Variants in PPM1H observed in about 807,000 individuals in gnomAD.
PPM1H encodes the protein protein phosphatase, Mg2+/Mn2+ dependent 1H, also known as protein phosphatase 1H.
A neutral mutation model predicts 54.9 loss-of-function variants in PPM1H; 27 were observed. That is an observed-to-expected ratio of 0.49 (90% CI 0.36 to 0.68). PPM1H has a LOEUF of 0.68. Among genes scored for constraint, PPM1H ranks in the 30% least tolerant of loss-of-function variants. The pLI is 0.00. For synonymous variants in PPM1H, 305 were observed against 270.8 expected (o/e 1.13, Z -1.24); for missense variants, 596 against 667.8 (o/e 0.89, Z 1.19).
At chr12:62,897,278 A>C (rs1408859612) in intron 1 of PPM1H, among the ~76,000 whole-genome samples, 2 of 151,764 alleles carry the variant, frequency 1.3e-5, no homozygotes, top group African/African-American at 4.8e-5. Flanking sequence ...TTTTTTCCCT[A>C]CTCCCTTGTG....
intron 1 of PPM1H, among the ~76,000 whole-genome samples, chr12:62,921,172 G>A (rs537239238): frequency 2.4e-3 from 372 of 151,876 alleles, no homozygotes; most frequent in Non-Finnish European, 4.4e-3. Flanking sequence ...TGATCCACCC[G>A]CCCGCCTCGG....
Position 62,802,332 on chromosome 12 carries a change from C to A in PPM1H, c.412-172G>T, listed in dbSNP as rs550549523. On this transcript the variant is annotated intron_variant, in intron 2 of 9. Transcript: ENST00000228705. ...AAAATAAAACAAACAAAAACAAAAA[C>A]AAAAAAAACACTCAGGGAAGGGTCC... Among the ~76,000 whole-genome samples, 1,040 of 151,592 alleles carry A rather than the reference C, an allele frequency of 6.9e-3. 4 individuals carry two copies. Among genetic ancestry groups the A allele is most frequent in the Non-Finnish European group, 0.012 (799 of 67,826 alleles).
intron 4 of PPM1H, among the ~76,000 whole-genome samples, chr12:62,766,369 T>TA (rs143139993): frequency 0.028 from 4,200 of 151,932 alleles, 120 homozygotes; most frequent in East Asian, 0.1. Flanking sequence ...CAAAATAAAA[T>TA]AAAAATATAT....
In PPM1H at chr12:62,689,728, T is replaced by G; in HGVS notation, c.1216A>C (p.Ile406Leu). 1 of 1,613,770 alleles carries G rather than the reference T, an allele frequency of 6.2e-7. No individual in the cohort carries two copies. The highest frequency in any genetic ancestry group is 1.1e-5 in the South Asian group (1 of 91,030). Reference protein sequence around the residue: ...DLKVHDSNIYIKPFLSSAPEV... With the variant: ...DLKVHDSNIYLKPFLSSAPEV... ...GGAGCTGAAGACAGGAATGGTTTAA[T>G]GTAGATGTTGGAGTCATGCACCTTC... The change falls in exon 8 of 10, where the codon ATT (isoleucine) becomes CTT (leucine). Residue 406 changes from isoleucine to leucine, a missense_variant. Transcript: ENST00000228705.
At chr12:62,659,230 C>T (rs1165588085) in intron 9 of PPM1H, 6 of 525,256 alleles carry the variant, frequency 1.1e-5, no homozygotes, top group South Asian at 3.2e-5. Flanking sequence ...GGGTAGACAG[C>T]TCATGTGCAC....
rs373203500 is a variant in PPM1H, at chr12:62,728,719, G to A, written c.955-8430C>T. On this transcript the variant is annotated intron_variant, in intron 5 of 9. Transcript: ENST00000228705. ...CCTTCCTGGGCTCAGGGAGAGTTTC[G>A]AGCACCTCAGCAGGGCAAGGAAAAA... Among the ~76,000 whole-genome samples, 16 of 152,048 alleles carry A rather than the reference G, an allele frequency of 1.1e-4. 1 individual carries two copies. The East Asian group carries it at 1.9e-3, about 18-fold the overall frequency.
At chr12:62,756,184 A>T in intron 4 of PPM1H, 1 of 872,060 alleles carries the variant, frequency 1.1e-6, no homozygotes, top group Non-Finnish European at 1.9e-6. Flanking sequence ...GAATTTGGCT[A>T]CAGCAACAGG....
chr12:62,884,535 G>C (rs1870516790), intron 1 of PPM1H, among the ~76,000 whole-genome samples: 1 of 146,488 alleles, frequency 6.8e-6, no homozygotes, highest in East Asian at 2.0e-4. Context: ...AAGAAAGAGA[G>C]AAAAGAAAAA....
intron 4 of PPM1H, among the ~76,000 whole-genome samples, chr12:62,746,961 T>C (rs75754336): frequency 6.6e-6 from 1 of 152,166 alleles, no homozygotes; most frequent in East Asian, 1.9e-4. Flanking sequence ...TTTCCTTTTT[T>C]CTTTTTTTGA....
At chr12:62,651,863 T>C (rs991529661) in intron 9 of PPM1H, among the ~76,000 whole-genome samples, 2 of 152,228 alleles carry the variant, frequency 1.3e-5, no homozygotes, top group African/African-American at 4.8e-5. Context: ...ATACTGCTGA[T>C]TATTTTATCC....
At chr12:62,653,655 G>A (rs1181791233) in intron 9 of PPM1H, among the ~76,000 whole-genome samples, 2 of 152,212 alleles carry the variant, frequency 1.3e-5, no homozygotes, top group Admixed American at 6.5e-5. Flanking sequence ...TTCTTCAGAA[G>A]GGGTTGTTCA....
intron 1 of PPM1H, among the ~76,000 whole-genome samples, chr12:62,901,549 G>A (rs753594388): frequency 6.6e-6 from 1 of 152,036 alleles, no homozygotes; most frequent in Admixed American, 6.6e-5. Context: ...AATTATATAC[G>A]TCTTTATAGA....
At chr12:62,750,216 C>T (rs552837711) in intron 4 of PPM1H, among the ~76,000 whole-genome samples, 2 of 152,302 alleles carry the variant, frequency 1.3e-5, no homozygotes, top group Non-Finnish European at 2.9e-5. Flanking sequence ...TATCCAATTC[C>T]AGGACATTTT....
chr12:62,808,149 A>G (rs1046158026), intron 2 of PPM1H, among the ~76,000 whole-genome samples: 3 of 152,224 alleles, frequency 2.0e-5, no homozygotes, highest in African/African-American at 7.2e-5. Context: ...CCATCATTTA[A>G]TAAACCTTAT....
chr12:62,933,432 C>A (rs915571996), intron 1 of PPM1H, among the ~76,000 whole-genome samples: 2 of 152,080 alleles, frequency 1.3e-5, no homozygotes. Flanking sequence ...CCGGACGAAC[C>A]AATCAACCAG....
chr12:62,799,982 A>T (rs1163726633), intron 3 of PPM1H, among the ~76,000 whole-genome samples: 1 of 152,182 alleles, frequency 6.6e-6, no homozygotes, highest in East Asian at 1.9e-4. Flanking sequence ...CTGGAATGAC[A>T]GGCATGCACC....
In PPM1H at chr12:62,720,228, A is replaced by G. The variant is rs200127762; in HGVS notation, c.1016T>C (p.Val339Ala). ...CTTCTTTCCAAGCTCCTTTCTCTGT[A>G]CTCTCCTTGGAAACTCCAAATGTGT... ...EFTHLEFPRR[V>A]QRKELGKKML... The change falls in exon 6 of 10, where the codon GTA becomes GCA. Residue 339 changes from valine (V) to alanine (A), a missense_variant. This residue lies in a region of PPM1H where 208 missense variants were observed against 259.5 expected (regional missense o/e 0.80). Coordinates refer to ENST00000228705, the MANE Select transcript of PPM1H (RefSeq NM_020700.2). 9.3e-6 allele frequency: 15 copies of G among 1,613,666 alleles called. No individual in the cohort carries two copies. The Admixed American group carries it at 1.5e-4, about 16-fold the overall frequency.
intron 4 of PPM1H, among the ~76,000 whole-genome samples, chr12:62,743,188 T>TA (rs1050645025): frequency 4.6e-5 from 7 of 151,802 alleles, no homozygotes; most frequent in Non-Finnish European, 8.8e-5. Flanking sequence ...CCATCTCTAC[T>TA]AAAAAAATAC....
intron 2 of PPM1H, among the ~76,000 whole-genome samples, chr12:62,818,821 C>CTTTTTTTT (rs771501305): frequency 7.4e-6 from 1 of 135,836 alleles, no homozygotes; most frequent in Non-Finnish European, 1.6e-5. Flanking sequence ...TTTTCTTTTT[C>CTTTTTTTT]TTTTTTTTTT....
Sources: allele counts gnomAD v4.1 joint callset (sites outside exome capture counted in the v4.1 genomes callset), GRCh38; gene constraint gnomAD v4.1.1; regional missense constraint gnomAD v4.1.1; transcripts MANE v1.5; gene names NCBI Gene and HGNC (gene_info 2026-07-23, HGNC 2026-07-21).